DOCK3: variants seen among roughly 807,000 people sequenced by gnomAD.
The protein encoded by DOCK3 is dedicator of cytokinesis protein 3.
DOCK3 carries 60 observed loss-of-function variants against 265.6 expected under a neutral mutation model. That is an observed-to-expected ratio of 0.23 (90% CI 0.18 to 0.28). The LOEUF is 0.28. Ranked by LOEUF, DOCK3 falls within the 10% of genes least tolerant of loss-of-function variation. DOCK3 has a pLI of 1.00. For synonymous variants in DOCK3, 881 were observed against 938.0 expected, an observed-to-expected ratio of 0.94 and a Z score of 1.11; for missense variants, 1,981 against 2,594.3, an observed-to-expected ratio of 0.76 and a Z score of 5.14.
chr3:50,946,074 T>TA (rs1434562811), intron 5 of DOCK3, among the ~76,000 whole-genome samples: 2 of 102,722 alleles, frequency 1.9e-5, no homozygotes, highest in Non-Finnish European at 3.7e-5. Context: ...CTCTGGGCAA[T>TA]AGAGTGAAAC....
intron 4 of DOCK3, among the ~76,000 whole-genome samples, chr3:50,905,991 A>G (rs1022488220): frequency 9.9e-5 from 15 of 152,070 alleles, no homozygotes; most frequent in Non-Finnish European, 1.6e-4. Context: ...GAATTTTGTC[A>G]AAGGCCTTTT....
intron 23 of DOCK3, among the ~76,000 whole-genome samples, chr3:51,262,936 A>G (rs945636283): frequency 2.6e-5 from 4 of 152,236 alleles, no homozygotes; most frequent in Admixed American, 6.5e-5. Context: ...GACCAAACCT[A>G]TGTTTGATTG....
intron 5 of DOCK3, among the ~76,000 whole-genome samples, chr3:51,047,559 A>G (rs949709933): frequency 2.6e-5 from 4 of 152,142 alleles, no homozygotes; most frequent in African/African-American, 9.6e-5. Flanking sequence ...TAAATTCAGA[A>G]CTGAAAGAAG....
chr3:50,778,601 G>C (rs1406311881), intron 1 of DOCK3, 74 bp from the exon 2 acceptor site: 14 of 1,117,188 alleles, frequency 1.3e-5, no homozygotes. Context: ...AAAATTTAGT[G>C]CTTAATTCAG....
At chr3:50,707,012 G>A (rs2036452813) in intron 1 of DOCK3, among the ~76,000 whole-genome samples, 1 of 152,048 alleles carries the variant, frequency 6.6e-6, no homozygotes, top group African/African-American at 2.4e-5. Flanking sequence ...AGATCTGGTT[G>A]TTTAAAAATG....
chr3:50,771,481 C>G (rs2041271382), intron 1 of DOCK3, among the ~76,000 whole-genome samples: 1 of 152,110 alleles, frequency 6.6e-6, no homozygotes, highest in South Asian at 2.1e-4. Flanking sequence ...AAAGGGAACC[C>G]TTGTATGCTG....
At chr3:50,697,990 T>TG (rs1386951525) in intron 1 of DOCK3, among the ~76,000 whole-genome samples, 1 of 152,200 alleles carries the variant, frequency 6.6e-6, no homozygotes, top group Non-Finnish European at 1.5e-5. Context: ...ACTATTTTTC[T>TG]TTTTTTATCT....
At chr3:50,825,267 G>T (rs1236673617) in intron 2 of DOCK3, among the ~76,000 whole-genome samples, 1 of 152,142 alleles carries the variant, frequency 6.6e-6, no homozygotes, top group Non-Finnish European at 1.5e-5. Flanking sequence ...ATACCCATAA[G>T]GACAAGGAAA....
In DOCK3 at chr3:51,365,721, C is replaced by T. The variant is rs543629893; in HGVS notation, c.5293+3047C>T. 2.3e-3 allele frequency among the ~76,000 whole-genome samples: 343 copies of T among 152,270 alleles called. 1 individual carries two copies. Among genetic ancestry groups the T allele is most frequent in the African/African-American group, 8.0e-3 (333 of 41,546 alleles). On this transcript the variant is annotated intron_variant, in intron 49 of 52. Transcript: ENST00000266037. ...AGGGCTGTTGAATTTTGTCAAAGGC[C>T]TTTTCTGCATCTATTGAGATAGTCA...
chr3:51,358,322 C>T (rs1316846656), intron 46 of DOCK3, among the ~76,000 whole-genome samples: 1 of 152,170 alleles, frequency 6.6e-6, no homozygotes, highest in African/African-American at 2.4e-5. Context: ...GGGCAGGGAA[C>T]GTTTTTCAGG....
chr3:50,939,657 G>T (rs1025233108), intron 5 of DOCK3, among the ~76,000 whole-genome samples: 1 of 152,118 alleles, frequency 6.6e-6, no homozygotes, highest in Non-Finnish European at 1.5e-5. Flanking sequence ...ATTCAGGAAA[G>T]TATTTTAGAA....
intron 1 of DOCK3, among the ~76,000 whole-genome samples, chr3:50,700,025 G>A (rs62260128): frequency 0.048 from 7,321 of 152,168 alleles, 247 homozygotes; most frequent in Non-Finnish European, 0.075. Flanking sequence ...GCTCACACCC[G>A]TAATCCCAGC....
At chr3:50,689,183 T>C (rs1460582635) in intron 1 of DOCK3, among the ~76,000 whole-genome samples, 1 of 152,252 alleles carries the variant, frequency 6.6e-6, no homozygotes, top group Non-Finnish European at 1.5e-5. Flanking sequence ...TCTCTGCTAA[T>C]GTTAATCTGT....
intron 10 of DOCK3, among the ~76,000 whole-genome samples, chr3:51,149,373 TA>T (rs570200731): frequency 8.9e-4 from 135 of 152,280 alleles, no homozygotes; most frequent in Admixed American, 1.4e-3. Flanking sequence ...CTTCCAACAC[TA>T]TGTTGAATAG....
At chr3:51,200,180 T>C (rs1351815138) in intron 12 of DOCK3, among the ~76,000 whole-genome samples, 1 of 152,004 alleles carries the variant, frequency 6.6e-6, no homozygotes, top group Non-Finnish European at 1.5e-5. Context: ...ACAAAGCTGG[T>C]TGGAGAATGA....
At chr3:51,034,443 T>G (rs2080176800) in intron 5 of DOCK3, among the ~76,000 whole-genome samples, 1 of 152,136 alleles carries the variant, frequency 6.6e-6, no homozygotes, top group African/African-American at 2.4e-5. Flanking sequence ...TCATAGCTTT[T>G]TATAGTCTAC....
chr3:51,182,608 A>G (rs944106557), intron 12 of DOCK3, among the ~76,000 whole-genome samples: 2 of 152,168 alleles, frequency 1.3e-5, no homozygotes, highest in South Asian at 2.1e-4. Context: ...TGAAACCTTC[A>G]TATTTCACCT....
intron 27 of DOCK3, among the ~76,000 whole-genome samples, chr3:51,296,975 A>G (rs1367652761): frequency 6.6e-6 from 1 of 151,714 alleles, no homozygotes; most frequent in East Asian, 2.0e-4. Flanking sequence ...AAAATTAGCC[A>G]GGCATGGTGG....
chr3:51,142,548 A>G (rs2085110548), intron 9 of DOCK3, among the ~76,000 whole-genome samples: 1 of 152,158 alleles, frequency 6.6e-6, no homozygotes, highest in Admixed American at 6.5e-5. Context: ...AGATTCATCC[A>G]TATTATTATA....
Sources: allele counts gnomAD v4.1 joint callset (sites outside exome capture counted in the v4.1 genomes callset), GRCh38; gene constraint gnomAD v4.1.1; transcripts MANE v1.5; gene names NCBI Gene and HGNC (gene_info 2026-07-23, HGNC 2026-07-21).